The following SMPDL3A variants were observed in gnomAD, a reference collection of about 807,000 sequenced individuals.
SMPDL3A encodes the protein sphingomyelin phosphodiesterase acid like 3A.
A neutral mutation model predicts 38.5 loss-of-function variants in SMPDL3A; 39 were observed. The observed-to-expected ratio is 1.01, with a 90% CI of 0.78 to 1.32. The LOEUF (loss-of-function observed/expected upper bound fraction) is 1.32, where lower values mean the gene tolerates loss of function less well. Among genes scored for constraint, SMPDL3A ranks in the 40% most tolerant of loss-of-function variants. SMPDL3A has a pLI of 0.00. For synonymous variants in SMPDL3A, 180 were observed against 194.3 expected (o/e 0.93, Z 0.61); for missense variants, 502 against 536.2 (o/e 0.94, Z 0.63).
chr6:122,809,633 G>T lies in SMPDL3A; in HGVS notation c.*225G>T. ...ATAGAATGATGGATGTAAATTGGATGTAAATATTCAGTTTATATAATTATA... is the reference window on the plus strand; with the variant it reads ...ATAGAATGATGGATGTAAATTGGATTTAAATATTCAGTTTATATAATTATA... On this transcript the variant is annotated 3_prime_UTR_variant, in exon 8 of 8. Transcript: ENST00000368440. 1 of 373,538 alleles carries T rather than the reference G, an allele frequency of 2.7e-6. No individual in the cohort carries two copies. Among genetic ancestry groups the T allele is most frequent in the East Asian group, 4.4e-5 (1 of 22,720 alleles). 23.1% of individuals were successfully genotyped at this position (373,538 alleles called of 1,614,324 possible).
In SMPDL3A at chr6:122,795,711, C is replaced by T; in HGVS notation, c.147C>T (p.Asp49=). ...GGCATGTGACTGACTTACACTTAGA[C>T]CCTACTTACCACATCACAGATGACC... ...QFWHVTDLHL[D]PTYHITDDHT... Residue 49 remains aspartate, a synonymous_variant, in exon 2 of 8, where the codon GAC becomes GAT. Coordinates refer to ENST00000368440, the MANE Select transcript of SMPDL3A (RefSeq NM_006714.5). 1 of 1,614,114 alleles carries T rather than the reference C, an allele frequency of 6.2e-7. No individual in the cohort carries two copies. Among genetic ancestry groups the T allele is most frequent in the Non-Finnish European group, 8.5e-7 (1 of 1,180,008 alleles).
chr6:122,809,408 G>A lies in SMPDL3A; in HGVS notation c.1362G>A (p.Ter454=). The change falls in exon 8 of 8, where the codon TAG becomes TAA. Residue 454 remains the stop codon, a stop_retained_variant. Coordinates refer to ENST00000368440, the MANE Select transcript of SMPDL3A (RefSeq NM_006714.5). ...AGCTTTATATAAAGCACAATTACTA[G>A]TATTTCACAGTTTTTGCTAATAGAA... ...LKQLYIKHNY[*] The A allele has an allele frequency of 6.3e-7, 1 of 1,583,870 alleles. No homozygotes were observed. The highest frequency in any genetic ancestry group is 8.6e-7 in the Non-Finnish European group (1 of 1,159,972).
At chr6:122,801,185 T>C (rs1781419186) in intron 3 of SMPDL3A, 125 bp from the exon 4 acceptor site, 1 of 673,976 alleles carries the variant, frequency 1.5e-6, no homozygotes, top group Admixed American at 2.5e-5. Flanking sequence ...GAAGATGAAG[T>C]CTATCTAATA....
intron 1 of SMPDL3A, among the ~76,000 whole-genome samples, chr6:122,794,421 C>T (rs1781175863): frequency 6.6e-6 from 1 of 151,998 alleles, no homozygotes; most frequent in African/African-American, 2.4e-5. Context: ...CATGGTGAAA[C>T]CCCGTCTCTA....
chr6:122,794,394 G>A (rs1199264287), intron 1 of SMPDL3A, among the ~76,000 whole-genome samples: 1 of 152,056 alleles, frequency 6.6e-6, no homozygotes, highest in African/African-American at 2.4e-5. Flanking sequence ...TCAGGAAATC[G>A]AGACCATCCT....
At chr6:122,804,572 G>T (rs963993302) in intron 5 of SMPDL3A, among the ~76,000 whole-genome samples, 24 of 152,178 alleles carry the variant, frequency 1.6e-4, no homozygotes, top group African/African-American at 5.1e-4. Context: ...ATCCCAAAGT[G>T]CTGGGATTAC....
At chr6:122,802,333 C>A (rs555456545) in intron 4 of SMPDL3A, among the ~76,000 whole-genome samples, 2 of 151,918 alleles carry the variant, frequency 1.3e-5, no homozygotes, top group African/African-American at 4.8e-5. Context: ...TCCTGAGTAG[C>A]TGGGATTACA....
chr6:122,808,410 A>G (rs1781707217), intron 7 of SMPDL3A, among the ~76,000 whole-genome samples: 1 of 152,206 alleles, frequency 6.6e-6, no homozygotes. Flanking sequence ...GTGAGCTGGT[A>G]CGAGCTGCCT....
chr6:122,789,405 G>A lies in SMPDL3A; in HGVS notation c.59G>A (p.Gly20Asp). Residue 20 changes from glycine (G) to aspartate (D), a missense_variant, in exon 1 of 8, where the codon GGC (glycine) becomes GAC (aspartate). Gly to Asp is a moderately conservative substitution (Grantham distance 94, BLOSUM62 -1). Coordinates refer to ENST00000368440, the MANE Select transcript of SMPDL3A (RefSeq NM_006714.5). ...CLLTAWHCRS[G>D]LGLPVAPAGG... is the part of the protein sequence containing the mutation. Reference sequence around the variant, plus strand: ...CTGACTGCCTGGCACTGCCGCTCCGGCCTCGGGCTGCCCGTGGCGCCCGCA... The same window carrying A: ...CTGACTGCCTGGCACTGCCGCTCCGACCTCGGGCTGCCCGTGGCGCCCGCA... The A allele has an allele frequency of 6.5e-7, 1 of 1,549,322 alleles. No homozygotes were observed. Among genetic ancestry groups the A allele is most frequent in the Non-Finnish European group, 8.7e-7 (1 of 1,146,352 alleles).
Position 122,789,331 on chromosome 6 carries a change from A to C in SMPDL3A, c.-16A>C, listed in dbSNP as rs2115154307. The C allele has an allele frequency of 6.5e-7, 1 of 1,532,008 alleles. No individual in the cohort carries two copies. The highest frequency in any genetic ancestry group is 8.8e-7 in the Non-Finnish European group (1 of 1,137,608). The allele number at this position is 1,532,008 out of a possible 1,614,324, so 94.9% of individuals were successfully genotyped here. ...GCGGGACAGCCCGAACCTCCAGGTCAGCCCCGCGGCCCTCCATGGCGCTGG... is the reference window on the plus strand; with the variant it reads ...GCGGGACAGCCCGAACCTCCAGGTCCGCCCCGCGGCCCTCCATGGCGCTGG... On this transcript the variant is annotated 5_prime_UTR_variant, in exon 1 of 8. Coordinates refer to ENST00000368440, the MANE Select transcript of SMPDL3A (RefSeq NM_006714.5).
chr6:122,791,754 C>A (rs1248275784), intron 1 of SMPDL3A, among the ~76,000 whole-genome samples: 1 of 152,040 alleles, frequency 6.6e-6, no homozygotes, highest in Non-Finnish European at 1.5e-5. Flanking sequence ...ACTGCAGTGG[C>A]GCAATCTCGG....
chr6:122,806,246 T>C lies in SMPDL3A; in HGVS notation c.933T>C (p.Asn311=), dbSNP rs763163910. 6 of 1,612,658 alleles carry C rather than the reference T, an allele frequency of 3.7e-6. No homozygotes were observed. The South Asian group carries it at 4.4e-5, about 12-fold the overall frequency. Residue 311 remains asparagine (N), a synonymous_variant, in exon 7 of 8, where the codon AAT becomes AAC. Transcript: ENST00000368440. ...VLSDKKGSPV[N]SLFVAPAVTP... ...CGTTTTGTTCAGGAAGTCCAGTAAA[T>C]TCTTTGTTTGTGGCTCCTGCTGTTA...
intron 4 of SMPDL3A, among the ~76,000 whole-genome samples, chr6:122,802,365 C>G (rs1323584227): frequency 3.3e-5 from 5 of 152,020 alleles, no homozygotes; most frequent in Admixed American, 6.6e-5. Context: ...CCACACCTGG[C>G]TAATTTTTGT....
intron 4 of SMPDL3A, among the ~76,000 whole-genome samples, chr6:122,801,794 G>C (rs1781436620): frequency 6.6e-6 from 1 of 152,198 alleles, no homozygotes; most frequent in African/African-American, 2.4e-5. Context: ...GTAAAGTGAG[G>C]ATAACTAAGC....
chr6:122,802,946 T>C (rs1170504856), intron 4 of SMPDL3A, among the ~76,000 whole-genome samples: 2 of 152,152 alleles, frequency 1.3e-5, no homozygotes, highest in African/African-American at 4.8e-5. Flanking sequence ...CAAACCCAAC[T>C]GACCTGCTAG....
chr6:122,809,080 C>G lies in SMPDL3A; in HGVS notation c.1045-11C>G. The G allele has an allele frequency of 6.2e-7, 1 of 1,607,244 alleles. No individual in the cohort carries two copies. Among genetic ancestry groups the G allele is most frequent in the Non-Finnish European group, 8.5e-7 (1 of 1,174,464 alleles). On this transcript the variant is annotated splice_polypyrimidine_tract_variant and intron_variant, in intron 7 of 7. Coordinates refer to ENST00000368440, the MANE Select transcript of SMPDL3A (RefSeq NM_006714.5). ...AAGTGAACCAGGTTTTGTTACTGTT[C>G]TTAACTGCAGGATATGTTGCAGTAT...
chr6:122,789,469 C>T lies in SMPDL3A; in HGVS notation c.112+11C>T. ...CTCCTCCGGCGATAGGTGAGTTGTC[C>T]GCGACCCTTCTCTTCCCAGCCGGCA... On this transcript the variant is annotated intron_variant, in intron 1 of 7. Coordinates refer to ENST00000368440, the MANE Select transcript of SMPDL3A (RefSeq NM_006714.5). 1.3e-6 allele frequency: 2 copies of T among 1,541,782 alleles called. No homozygotes were observed. The highest frequency in any genetic ancestry group is 2.4e-5 in the East Asian group (1 of 40,826).
chr6:122,803,384 GCCGAAACA>G (rs1781488096), intron 4 of SMPDL3A, among the ~76,000 whole-genome samples: 1 of 152,132 alleles, frequency 6.6e-6, no homozygotes, highest in Non-Finnish European at 1.5e-5. Context: ...ATTGCTTACT[GCCGAAACA>G]CTTATTTATC....
At chr6:122,799,834 A>G (rs1273195314) in intron 3 of SMPDL3A, among the ~76,000 whole-genome samples, 2 of 152,198 alleles carry the variant, frequency 1.3e-5, no homozygotes, top group Non-Finnish European at 2.9e-5. Flanking sequence ...GGTCTATTTT[A>G]CCAATGTACA....
Sources: allele counts gnomAD v4.1 joint callset (sites outside exome capture counted in the v4.1 genomes callset), GRCh38; gene constraint gnomAD v4.1.1; transcripts MANE v1.5; gene names NCBI Gene and HGNC (gene_info 2026-07-23, HGNC 2026-07-21).